FIG4: variants seen among roughly 807,000 people sequenced by gnomAD.
FIG4 encodes the protein polyphosphoinositide phosphatase.
FIG4 carries 112 observed loss-of-function variants against 118.6 expected under a neutral mutation model. The observed-to-expected ratio is 0.94, with a 90% confidence interval of 0.81 to 1.11. FIG4 has a LOEUF of 1.11. Among genes scored for constraint, FIG4 ranks in the 50% least tolerant of loss-of-function variants. The pLI is 0.00. For synonymous variants in FIG4, 369 were observed against 381.2 expected (o/e 0.97, Z 0.37); for missense variants, 969 against 1,111.7 (o/e 0.87, Z 1.83).
intron 3 of FIG4, among the ~76,000 whole-genome samples, chr6:109,721,487 A>T (rs900337143): frequency 6.6e-6 from 1 of 152,098 alleles, no homozygotes; most frequent in Non-Finnish European, 1.5e-5. Context: ...CCATTCTCTC[A>T]TATTGTCCTT....
At chr6:109,741,020 C>A (rs6899688) in intron 7 of FIG4, among the ~76,000 whole-genome samples, 121,229 of 152,066 alleles carry the variant, frequency 0.8, 48,519 homozygotes, top group African/African-American at 0.89. Context: ...GCAAGGGGGA[C>A]GTCCGCCTCC....
intron 1 of FIG4, among the ~76,000 whole-genome samples, chr6:109,697,279 A>G (rs1028228754): frequency 4.0e-5 from 6 of 150,370 alleles, no homozygotes; most frequent in African/African-American, 9.8e-5. Flanking sequence ...AAAAAAAAAA[A>G]GGGAAAAATG....
At chr6:109,738,046 G>T (rs1452497051) in intron 6 of FIG4, among the ~76,000 whole-genome samples, 2 of 151,998 alleles carry the variant, frequency 1.3e-5, no homozygotes, top group Non-Finnish European at 2.9e-5. Context: ...CAATTTCCTT[G>T]TCATTTTCTT....
intron 14 of FIG4, among the ~76,000 whole-genome samples, chr6:109,765,372 G>T (rs986110365): frequency 4.6e-5 from 7 of 152,042 alleles, no homozygotes; most frequent in African/African-American, 1.7e-4. Flanking sequence ...AATCTGTCTT[G>T]AGTTGGTTTT....
chr6:109,792,631 G>A lies in FIG4; in HGVS notation c.2426G>A (p.Gly809Asp). The A allele has an allele frequency of 6.2e-7, 1 of 1,601,134 alleles. No individual in the cohort carries two copies. Among genetic ancestry groups the A allele is most frequent in the South Asian group, 1.1e-5 (1 of 90,778 alleles). The change falls in exon 21 of 23, where the codon GGC becomes GAC. Residue 809 changes from glycine (G) to aspartate (D), a missense_variant. Gly to Asp is a moderately conservative substitution (Grantham distance 94). Transcript: ENST00000230124. ...KELYGINLSD[G>D]LSEEDFSIYS... ...CTATATGGAATTAACCTCTCAGATG[G>A]CCTCTCAGAAGAAGATTTCTCCATT...
At chr6:109,764,329 T>C (rs1777212747) in intron 13 of FIG4, among the ~76,000 whole-genome samples, 1 of 151,876 alleles carries the variant, frequency 6.6e-6, no homozygotes, top group Admixed American at 6.6e-5. Flanking sequence ...TCCCAGCTAC[T>C]TGGGAGTCTG....
At chr6:109,767,952 A>T (rs935689894) in intron 15 of FIG4, among the ~76,000 whole-genome samples, 1 of 152,194 alleles carries the variant, frequency 6.6e-6, no homozygotes, top group African/African-American at 2.4e-5. Context: ...AGTGGGCTTC[A>T]ACAGGACTCT....
At chr6:109,753,637 C>T (rs1032284865) in intron 10 of FIG4, among the ~76,000 whole-genome samples, 2 of 151,904 alleles carry the variant, frequency 1.3e-5, no homozygotes, top group Non-Finnish European at 2.9e-5. Context: ...GGTTTGTAGT[C>T]CTCCTTGAAG....
intron 10 of FIG4, among the ~76,000 whole-genome samples, chr6:109,746,312 A>G (rs1007350142): frequency 6.6e-6 from 1 of 152,194 alleles, no homozygotes; most frequent in Non-Finnish European, 1.5e-5. Flanking sequence ...TTGAGCTAAC[A>G]GCCTGTTGTA....
intron 10 of FIG4, 141 bp downstream of exon 10, chr6:109,743,913 G>A: frequency 1.4e-6 from 1 of 736,436 alleles, no homozygotes; most frequent in Non-Finnish European, 2.4e-6. Flanking sequence ...ACAGCTCACT[G>A]TGTCTGAGCT....
At chr6:109,695,579 TACACACACACACACACACACAGACACAC>T (rs1183665246) in intron 1 of FIG4, among the ~76,000 whole-genome samples, 2 of 148,732 alleles carry the variant, frequency 1.3e-5, no homozygotes, top group African/African-American at 2.5e-5. Flanking sequence ...ATGCAGTGAA[TACACACACACACACACACACAGACACAC>T]ACACACACAC....
At chr6:109,792,822 C>G (rs1158770931) in intron 21 of FIG4, among the ~76,000 whole-genome samples, 158 bp downstream of exon 21, 3 of 143,960 alleles carry the variant, frequency 2.1e-5, no homozygotes, top group Non-Finnish European at 4.5e-5. Flanking sequence ...TCCTGAGTAG[C>G]TGGGATTGCA....
chr6:109,775,819 A>G (rs889002160), intron 15 of FIG4, among the ~76,000 whole-genome samples: 15 of 152,192 alleles, frequency 9.9e-5, no homozygotes, highest in African/African-American at 3.6e-4. Flanking sequence ...TACATGTTTG[A>G]TGTACCGTAT....
chr6:109,732,181 A>G (rs1007613004), intron 4 of FIG4, among the ~76,000 whole-genome samples: 2 of 152,236 alleles, frequency 1.3e-5, no homozygotes, highest in African/African-American at 4.8e-5. Flanking sequence ...ACACTTATTA[A>G]TCATGAGTGA....
chr6:109,701,316 C>T (rs768684971), intron 1 of FIG4, among the ~76,000 whole-genome samples: 7 of 152,296 alleles, frequency 4.6e-5, no homozygotes, highest in Middle Eastern at 3.4e-3. Context: ...CCAGGCCTAA[C>T]GCAGCACTAA....
rs1319097397 is a variant in FIG4, at chr6:109,765,043, T to A, written c.1465T>A (p.Cys489Ser). ...CATCCTTCGAACCAACTGTGTGGAC[T>A]GTTTAGATCGCACCAACACAGCACA... The part of the protein sequence containing the change: ...TGILRTNCVD[C>S]LDRTNTAQFM... Residue 489 changes from cysteine to serine, a missense_variant, in exon 14 of 23, where the codon TGT becomes AGT. Transcript: ENST00000230124. 1 of 1,614,064 alleles carries A rather than the reference T, an allele frequency of 6.2e-7. No homozygotes were observed. The highest frequency in any genetic ancestry group is 1.7e-5 in the Admixed American group (1 of 60,028).
At chr6:109,808,754 A>G (rs1778640408) in intron 22 of FIG4, among the ~76,000 whole-genome samples, 1 of 152,332 alleles carries the variant, frequency 6.6e-6, no homozygotes, top group African/African-American at 2.4e-5. Context: ...AACAATTTAC[A>G]GTGTTTGTTA....
At chr6:109,786,979 A>C (rs1051758548) in intron 18 of FIG4, among the ~76,000 whole-genome samples, 1 of 152,068 alleles carries the variant, frequency 6.6e-6, no homozygotes, top group Admixed American at 6.6e-5. Context: ...AATGGTAGCT[A>C]TTATTATTAC....
chr6:109,762,157 C>T lies in FIG4; in HGVS notation c.1338C>T (p.Phe446=). 1 of 1,613,588 alleles carries T rather than the reference C, an allele frequency of 6.2e-7. No homozygotes were observed. The highest frequency in any genetic ancestry group is 8.5e-7 in the Non-Finnish European group (1 of 1,179,518). The change falls in exon 12 of 23, where the codon TTC becomes TTT. Residue 446 remains phenylalanine, a synonymous_variant. Transcript: ENST00000230124. The stretch of plus-strand genomic sequence containing the variant: ...AAAGTGTGGTGAAGAAAACAGGTTT[C>T]TTTGTAAACCGCCCTGATTCTTACT... ...IAESVVKKTG[F]FVNRPDSYCS...
Sources: allele counts gnomAD v4.1 joint callset (sites outside exome capture counted in the v4.1 genomes callset), GRCh38; gene constraint gnomAD v4.1.1; transcripts MANE v1.5; gene names NCBI Gene and HGNC (gene_info 2026-07-23, HGNC 2026-07-21).